Variants in MDGA2 observed in about 807,000 individuals in gnomAD.
The protein encoded by MDGA2 is MAM domain containing glycosylphosphatidylinositol anchor 2, also known as MAM domain-containing glycosylphosphatidylinositol anchor protein 2.
Under a neutral mutation model 117.8 loss-of-function variants are expected in MDGA2, and 40 were observed. The observed-to-expected ratio is 0.34, with a 90% CI of 0.26 to 0.44. The LOEUF is 0.44. Ranked by LOEUF, MDGA2 falls within the 20% of genes least tolerant of loss-of-function variation. The probability of loss-of-function intolerance (pLI) is 1.00; values close to 1 mark genes in which losing one functional copy is unlikely to be tolerated. For synonymous variants in MDGA2, 452 were observed against 439.0 expected (o/e 1.03, Z -0.37); for missense variants, 1,123 against 1,250.6 (o/e 0.90, Z 1.54).
intron 8 of MDGA2, among the ~76,000 whole-genome samples, chr14:46,960,777 ATAT>A (rs1418293010): frequency 5.4e-5 from 8 of 147,716 alleles, no homozygotes; most frequent in African/African-American, 7.6e-5. Flanking sequence ...ATTTGTGTAC[ATAT>A]TATACATATA....
At chr14:46,880,067 C>A (rs1192837515) in intron 11 of MDGA2, among the ~76,000 whole-genome samples, 4 of 152,044 alleles carry the variant, frequency 2.6e-5, no homozygotes, top group Non-Finnish European at 5.9e-5. Flanking sequence ...GTGGCTCATG[C>A]CCGTAATCCA....
At chr14:47,466,209 C>A (rs1278583998) in intron 1 of MDGA2, among the ~76,000 whole-genome samples, 4 of 151,892 alleles carry the variant, frequency 2.6e-5, no homozygotes, top group Admixed American at 2.0e-4. Context: ...GAAAATATAA[C>A]TATGGGGTAC....
intron 8 of MDGA2, among the ~76,000 whole-genome samples, chr14:46,988,712 T>G (rs900357896): frequency 6.6e-6 from 1 of 152,080 alleles, no homozygotes; most frequent in Non-Finnish European, 1.5e-5. Flanking sequence ...TAAGGAATCT[T>G]AGGGAGATGT....
At chr14:46,968,245 T>C (rs553482994) in intron 8 of MDGA2, among the ~76,000 whole-genome samples, 10 of 152,242 alleles carry the variant, frequency 6.6e-5, no homozygotes, top group Middle Eastern at 3.4e-3. Context: ...GGAGATCACC[T>C]GTTCCACAGG....
intron 1 of MDGA2, among the ~76,000 whole-genome samples, chr14:47,315,319 TTTG>T (rs947706513): frequency 1.3e-4 from 20 of 152,232 alleles, no homozygotes; most frequent in African/African-American, 4.1e-4. Flanking sequence ...TGTCTTAAAT[TTTG>T]TTTCTGGCCT....
chr14:47,358,005 A>G (rs1891034082), intron 1 of MDGA2, among the ~76,000 whole-genome samples: 1 of 152,176 alleles, frequency 6.6e-6, no homozygotes, highest in Non-Finnish European at 1.5e-5. Context: ...CACTGTGGAA[A>G]AAGTGCCTAC....
chr14:47,255,198 A>T (rs1887578362), intron 2 of MDGA2, among the ~76,000 whole-genome samples: 1 of 152,252 alleles, frequency 6.6e-6, no homozygotes, highest in East Asian at 1.9e-4. Context: ...AAGACATTAA[A>T]GAGATTGTAA....
intron 1 of MDGA2, among the ~76,000 whole-genome samples, chr14:47,588,231 TAG>T (rs1225900616): frequency 0.087 from 8,089 of 92,962 alleles, 304 homozygotes; most frequent in Non-Finnish European, 0.12. Context: ...CTCTTGGAGA[TAG>T]ATAGATATAT....
chr14:47,059,653 A>T (rs548653763), intron 7 of MDGA2, among the ~76,000 whole-genome samples: 1 of 152,142 alleles, frequency 6.6e-6, no homozygotes, highest in East Asian at 1.9e-4. Flanking sequence ...GTCTAAGTTT[A>T]ATGGTATATA....
chr14:47,142,054 A>C (rs1351983937), intron 4 of MDGA2, among the ~76,000 whole-genome samples: 2 of 152,358 alleles, frequency 1.3e-5, no homozygotes, highest in South Asian at 2.1e-4. Flanking sequence ...AATTTAAAAT[A>C]AATTCCTAAA....
At position 46,840,849 on chromosome 14, in the gene MDGA2, T is replaced by C. The variant is rs1880579403; in HGVS notation, c.*1082A>G. 1 of 152,616 alleles carries C rather than the reference T, an allele frequency of 6.6e-6. No individual in the cohort carries two copies. The allele number at this position is 152,616 out of a possible 1,614,324, so 9.5% of individuals were successfully genotyped here. On this transcript the variant is annotated 3_prime_UTR_variant, in exon 17 of 17. Coordinates refer to ENST00000399232, the MANE Select transcript of MDGA2 (RefSeq NM_001113498.3). ...CTGGAAGAAAAAAAGTGTTGCTCCATGTCTGGTCTCAATGGAAGTGATTTT... is the reference window on the plus strand; with the variant it reads ...CTGGAAGAAAAAAAGTGTTGCTCCACGTCTGGTCTCAATGGAAGTGATTTT...
intron 1 of MDGA2, among the ~76,000 whole-genome samples, chr14:47,359,628 A>AT (rs552672539): frequency 4.5e-4 from 67 of 150,384 alleles, no homozygotes; most frequent in African/African-American, 1.6e-3. Flanking sequence ...TTCACCATAC[A>AT]TAAAAAAAGC....
intron 2 of MDGA2, among the ~76,000 whole-genome samples, chr14:47,229,280 G>A (rs1886609439): frequency 6.6e-6 from 1 of 151,960 alleles, no homozygotes; most frequent in Admixed American, 6.6e-5. Context: ...GTGATAGCTG[G>A]GAATCCAGGA....
chr14:47,106,032 A>C (rs918371603), intron 5 of MDGA2, among the ~76,000 whole-genome samples: 8 of 152,052 alleles, frequency 5.3e-5, no homozygotes, highest in African/African-American at 1.9e-4. Context: ...GGCTGGAGCT[A>C]AAGGAATAGT....
In MDGA2 at chr14:47,480,120, A is replaced by G. The variant is rs1302272065; in HGVS notation, c.281-178570T>C. On this transcript the variant is annotated intron_variant, in intron 1 of 16. Coordinates refer to ENST00000399232, the MANE Select transcript of MDGA2 (RefSeq NM_001113498.3). ...ATTATTTAGAAATTATTTCACACCT[A>G]AGTTTTTCCTTAATATTTATTTAAA... Among the ~76,000 whole-genome samples the G allele has an allele frequency of 2.6e-5, 4 of 152,058 alleles. No individual in the cohort carries two copies. The East Asian group carries it at 7.7e-4, about 29-fold the overall frequency.
intron 7 of MDGA2, among the ~76,000 whole-genome samples, chr14:47,052,901 TAATCCTCTGTCTC>T (rs1889507614): frequency 1.3e-5 from 2 of 151,906 alleles, no homozygotes; most frequent in African/African-American, 4.8e-5. Context: ...CTCTTCCTCT[TAATCCTCTGTCTC>T]ATTCTGTCGG....
chr14:47,046,017 G>T (rs1408774828), intron 7 of MDGA2, among the ~76,000 whole-genome samples: 2 of 150,912 alleles, frequency 1.3e-5, no homozygotes, highest in East Asian at 2.0e-4. Flanking sequence ...GTGTGGGGAG[G>T]GGGGAGGGAT....
chr14:47,384,227 G>C (rs1001245734), intron 1 of MDGA2, among the ~76,000 whole-genome samples: 3 of 150,846 alleles, frequency 2.0e-5, no homozygotes, highest in African/African-American at 7.3e-5. Flanking sequence ...GTCAATACTT[G>C]GCAGCATTGA....
intron 2 of MDGA2, among the ~76,000 whole-genome samples, chr14:47,244,392 T>A (rs1887170356): frequency 6.6e-6 from 1 of 151,844 alleles, no homozygotes; most frequent in Non-Finnish European, 1.5e-5. Context: ...GCCATTTTTA[T>A]TTATATATCT....
Sources: allele counts gnomAD v4.1 joint callset (sites outside exome capture counted in the v4.1 genomes callset), GRCh38; gene constraint gnomAD v4.1.1; transcripts MANE v1.5; gene names NCBI Gene and HGNC (gene_info 2026-07-23, HGNC 2026-07-21).